Variants in LAMC3 observed in about 807,000 individuals in gnomAD.
LAMC3 encodes laminin subunit gamma-3.
Under a neutral mutation model 173.8 loss-of-function variants are expected in LAMC3, and 128 were observed. The ratio of observed to expected loss-of-function variants is 0.74; its 90% CI spans 0.64 to 0.85. The LOEUF (loss-of-function observed/expected upper bound fraction) is 0.85, where lower values mean the gene tolerates loss of function less well. Among genes scored for constraint, LAMC3 ranks in the 40% least tolerant of loss-of-function variants. The probability of loss-of-function intolerance (pLI) is 0.00; values close to 1 mark genes in which losing one functional copy is unlikely to be tolerated. For missense variants in LAMC3, 2,022 were observed against 2,156.0 expected, an observed-to-expected ratio of 0.94 and a Z score of 1.23; for synonymous variants, 897 against 909.1, an observed-to-expected ratio of 0.99 and a Z score of 0.24.
chr9:131,059,392 T>G (rs1329588788), intron 12 of LAMC3, among the ~76,000 whole-genome samples: 2 of 143,380 alleles, frequency 1.4e-5, no homozygotes, highest in Non-Finnish European at 3.0e-5. Context: ...CTAGGGAGGC[T>G]GAGGCAGGTG....
At chr9:131,015,694 C>T (rs535346659) in intron 1 of LAMC3, among the ~76,000 whole-genome samples, 4 of 152,292 alleles carry the variant, frequency 2.6e-5, no homozygotes, top group African/African-American at 9.6e-5. Context: ...CTCGCTCCAC[C>T]GCCCAGGCTG....
In LAMC3 at chr9:131,061,152, G is replaced by T; in HGVS notation, c.2276G>T (p.Gly759Val). Residue 759 changes from glycine to valine, a missense_variant, in exon 13 of 28, where the codon GGC becomes GTC. Coordinates refer to ENST00000361069, the MANE Select transcript of LAMC3 (RefSeq NM_006059.4). ...ADDCQPCPCP[G>V]QSACTTIPES... ...GACTGCCAGCCCTGTCCCTGCCCTG[G>T]CCAGTCGGCCTGTACGACCATCCCA... 6.2e-7 allele frequency: 1 copy of T among 1,612,998 alleles called. No individual in the cohort carries two copies. Among genetic ancestry groups the T allele is most frequent in the South Asian group, 1.1e-5 (1 of 91,076 alleles).
chr9:131,034,615 G>A (rs1322929832), intron 3 of LAMC3, among the ~76,000 whole-genome samples: 1 of 152,254 alleles, frequency 6.6e-6, no homozygotes, highest in African/African-American at 2.4e-5. Context: ...GAGTTCCAAG[G>A]CCTGAGCCTG....
At position 131,041,522 on chromosome 9, in the gene LAMC3, T is replaced by G. The variant is rs1588147293; in HGVS notation, c.1284-115T>G. 1.0e-5 allele frequency: 9 copies of G among 892,324 alleles called. No individual in the cohort carries two copies. In the East Asian group the frequency reaches 2.4e-4, roughly 23 times the overall value. 55.3% of individuals were successfully genotyped at this position (892,324 alleles called of 1,614,324 possible). A position where few individuals can be genotyped will look rare whatever the true frequency, so the allele number is the denominator to read the frequency against. On this transcript the variant is annotated intron_variant, in intron 6 of 27. Transcript: ENST00000361069. ...GAACAGTAAAGCCAGGTCAGTTACC[T>G]GCGTCAGCCTCACTCCTGATGTTGG...
At chr9:131,027,860 C>T (rs1833753481) in intron 2 of LAMC3, among the ~76,000 whole-genome samples, 1 of 152,202 alleles carries the variant, frequency 6.6e-6, no homozygotes, top group Admixed American at 6.5e-5. Context: ...CCATTCAGGG[C>T]CCTCCAGTTC....
Position 131,039,161 on chromosome 9 carries a change from G to T in LAMC3, c.1196G>T (p.Gly399Val), listed in dbSNP as rs778138736. The change falls in exon 6 of 28, where the codon GGC becomes GTC. Residue 399 changes from glycine to valine, a missense_variant. By Grantham distance (109) the Gly-to-Val change is moderately radical. Transcript: ENST00000361069. The stretch of plus-strand genomic sequence containing the variant: ...CTACACCTCCAGTGCGATGACACAG[G>T]CACCTGCGCCTGCAAGCCCACGGTG... ...GSLHLQCDDT[G>V]TCACKPTVTG... The T allele has an allele frequency of 3.1e-6, 5 of 1,611,124 alleles. No homozygotes were observed. The East Asian group carries it at 8.9e-5, about 29-fold the overall frequency.
At chr9:131,028,527 G>A (rs1379056057) in intron 2 of LAMC3, among the ~76,000 whole-genome samples, 1 of 152,212 alleles carries the variant, frequency 6.6e-6, no homozygotes, top group Non-Finnish European at 1.5e-5. Context: ...GAGAACACAC[G>A]GAGCCGGCCG....
chr9:131,039,377 G>A, intron 6 of LAMC3, 129 bp downstream of exon 6: 2 of 779,050 alleles, frequency 2.6e-6, no homozygotes, highest in Non-Finnish European at 4.4e-6. Context: ...TAATCCTGGT[G>A]AAGACTAGAG....
In LAMC3 at chr9:131,068,961, G is replaced by C. The variant is rs1053457961; in HGVS notation, c.2801G>C (p.Gly934Ala). The C allele has an allele frequency of 1.2e-6, 2 of 1,614,102 alleles. No individual in the cohort carries two copies. The highest frequency in any genetic ancestry group is 2.2e-5 in the South Asian group (2 of 91,078). Residue 934 changes from glycine to alanine, a missense_variant, in exon 16 of 28, where the codon GGA becomes GCA. Coordinates refer to ENST00000361069, the MANE Select transcript of LAMC3 (RefSeq NM_006059.4). ...SQEDQCHPKT[G>A]QCTCRPGVTG... ...GAGGACCAGTGCCATCCCAAGACTG[G>C]ACAGTGCACCTGCCGCCCAGGTGTC...
intron 8 of LAMC3, among the ~76,000 whole-genome samples, chr9:131,048,612 T>C (rs1403941612): frequency 6.6e-6 from 1 of 152,154 alleles, no homozygotes; most frequent in Non-Finnish European, 1.5e-5. Flanking sequence ...CCAGAAGGCC[T>C]GGGCTCCCGT....
chr9:131,052,513 G>C lies in LAMC3; in HGVS notation c.1653G>C (p.Arg551=). Residue 551 remains arginine, a synonymous_variant, in exon 10 of 28, where the codon CGG becomes CGC. Transcript: ENST00000361069. The part of the protein sequence containing the change: ...TAPEKFLGDQ[R]FSYGQPLILT... Reference sequence around the variant, plus strand: ...CAGAGAAGTTCCTGGGAGACCAGCGGTTCAGCTATGGGCAGCCCCTCATAC... The same window carrying C: ...CAGAGAAGTTCCTGGGAGACCAGCGCTTCAGCTATGGGCAGCCCCTCATAC... 2 of 1,614,164 alleles carry C rather than the reference G, an allele frequency of 1.2e-6. No individual in the cohort carries two copies. Among genetic ancestry groups the C allele is most frequent in the African/African-American group, 1.3e-5 (1 of 75,058 alleles).
intron 15 of LAMC3, 46 bp downstream of exon 15, chr9:131,068,277 G>A (rs1174651361): frequency 2.5e-6 from 4 of 1,580,782 alleles, no homozygotes; most frequent in East Asian, 4.5e-5. Flanking sequence ...TCTCCAGGAG[G>A]GAAGAAGGCA....
intron 1 of LAMC3, among the ~76,000 whole-genome samples, chr9:131,018,316 G>T (rs1833564534): frequency 6.6e-6 from 1 of 151,704 alleles, no homozygotes; most frequent in Non-Finnish European, 1.5e-5. Flanking sequence ...TTGTATTTTA[G>T]TAGAAACGAG....
At position 131,036,240 on chromosome 9, in the gene LAMC3, A is replaced by C. The variant is rs1292566230; in HGVS notation, c.884A>C (p.Asn295Thr). 7.4e-6 allele frequency: 12 copies of C among 1,612,978 alleles called. No homozygotes were observed. The highest frequency in any genetic ancestry group is 6.7e-5 in the African/African-American group (5 of 74,900). The change falls in exon 4 of 28, where the codon AAC (asparagine) becomes ACC (threonine). Residue 295 changes from asparagine to threonine, a missense_variant. Transcript: ENST00000361069. ...AGQLACRCQH[N>T]TTGTDCERCL... Reference sequence around the variant, plus strand: ...CAGTTGGCCTGCCGGTGCCAGCACAACACCACCGGCACAGACTGTGAGCGC... The same window carrying C: ...CAGTTGGCCTGCCGGTGCCAGCACACCACCACCGGCACAGACTGTGAGCGC...
rs780508107 is a variant in LAMC3, at chr9:131,057,125, T to A, written c.2136T>A (p.His712Gln). ...ASCVPCTCNQ[H>Q]GTCDPNTGIC... is the part of the protein sequence containing the mutation. ...GTGTCCCCTGCACCTGTAACCAGCA[T>A]GGCACCTGTGACCCCAACACAGGTG... The change falls in exon 12 of 28, where the codon CAT (histidine) becomes CAA (glutamine). Residue 712 changes from histidine to glutamine, a missense_variant. Coordinates refer to ENST00000361069, the MANE Select transcript of LAMC3 (RefSeq NM_006059.4). The A allele has an allele frequency of 2.5e-6, 4 of 1,614,086 alleles. No individual in the cohort carries two copies. The Admixed American group carries it at 6.7e-5, about 27-fold the overall frequency.
At chr9:131,045,956 G>GCCT (rs1834147061) in intron 8 of LAMC3, among the ~76,000 whole-genome samples, 1 of 152,130 alleles carries the variant, frequency 6.6e-6, no homozygotes, top group Non-Finnish European at 1.5e-5. Flanking sequence ...GTTGAGACTG[G>GCCT]CCTCCCTTGG....
At position 131,020,225 on chromosome 9, in the gene LAMC3, C is replaced by T. The variant is rs1022971596; in HGVS notation, c.374-6060C>T. ...AACCAGGTGGGTGAGCTGCTCCCAG[C>T]CTACAGGGGAGTCACACCCAGCAGG... On this transcript the variant is annotated intron_variant, in intron 1 of 27. Coordinates refer to ENST00000361069, the MANE Select transcript of LAMC3 (RefSeq NM_006059.4). Among the ~76,000 whole-genome samples, 5 of 152,180 alleles carry T rather than the reference C, an allele frequency of 3.3e-5. No individual in the cohort carries two copies. The East Asian group carries it at 9.6e-4, about 29-fold the overall frequency.
chr9:131,046,518 A>T (rs145262688), intron 8 of LAMC3, among the ~76,000 whole-genome samples: 562 of 48,866 alleles, frequency 0.012, 3 homozygotes, highest in Middle Eastern at 0.05. Flanking sequence ...TAATTTTTGT[A>T]TTTTTTTTTT....
At chr9:131,041,293 G>A (rs1834050527) in intron 6 of LAMC3, among the ~76,000 whole-genome samples, 1 of 149,378 alleles carries the variant, frequency 6.7e-6, no homozygotes, top group Non-Finnish European at 1.5e-5. Context: ...CTTGAACCCA[G>A]GAGGCAGAGG....
Sources: allele counts gnomAD v4.1 joint callset (sites outside exome capture counted in the v4.1 genomes callset), GRCh38; gene constraint gnomAD v4.1.1; transcripts MANE v1.5; gene names NCBI Gene and HGNC (gene_info 2026-07-23, HGNC 2026-07-21).